ESYT3: variants seen among roughly 807,000 people sequenced by gnomAD.
The protein encoded by ESYT3 is extended synaptotagmin 3.
In ESYT3, 101 loss-of-function variants were observed where a neutral mutation model predicts 111.5. The ratio of observed to expected loss-of-function variants is 0.91; its 90% CI spans 0.77 to 1.07. The LOEUF (loss-of-function observed/expected upper bound fraction) is 1.07. Ranked by LOEUF, ESYT3 falls within the 50% of genes least tolerant of loss-of-function variation. The pLI is 0.00. For missense variants in ESYT3, 1,097 were observed against 1,109.4 expected (o/e 0.99, Z 0.16); for synonymous variants, 416 against 446.8 (o/e 0.93, Z 0.87).
At chr3:138,469,893 G>A (rs1486070384) in intron 15 of ESYT3, among the ~76,000 whole-genome samples, 167 bp from the exon 16 acceptor site, 1 of 152,128 alleles carries the variant, frequency 6.6e-6, no homozygotes, top group African/African-American at 2.4e-5. Flanking sequence ...TTTGAGTGTT[G>A]TCCCGTCCTA....
chr3:138,476,553 C>CCGG, intron 22 of ESYT3, 61 bp downstream of exon 22: 1 of 1,540,926 alleles, frequency 6.5e-7, no homozygotes. Flanking sequence ...TTTCCCTTTT[C>CCGG]AGTACTGTTT....
At chr3:138,472,897 T>G (rs756948940) in intron 18 of ESYT3, 38 bp downstream of exon 18, 1 of 1,573,242 alleles carries the variant, frequency 6.4e-7, no homozygotes, top group Admixed American at 1.9e-5. Context: ...TAAAATCGCC[T>G]GTATGAAAAA....
chr3:138,456,664 T>C lies in ESYT3; in HGVS notation c.505-904T>C, dbSNP rs553027889. Reference sequence around the variant, plus strand: ...GCACAAACCCTGTGTGAACTGCGCATGTGAGGGATCTAGGTTGCATGTTCC... The same window carrying C: ...GCACAAACCCTGTGTGAACTGCGCACGTGAGGGATCTAGGTTGCATGTTCC... On this transcript the variant is annotated intron_variant, in intron 3 of 22. Transcript: ENST00000389567. Among the ~76,000 whole-genome samples the C allele has an allele frequency of 5.5e-4, 84 of 152,264 alleles. 1 individual carries two copies. In the South Asian group the frequency reaches 0.014, roughly 25 times the overall value.
intron 1 of ESYT3, among the ~76,000 whole-genome samples, chr3:138,449,082 CTTTTTT>C (rs398040196): frequency 5.3e-5 from 6 of 113,120 alleles, no homozygotes; most frequent in African/African-American, 2.3e-4. Context: ...CTTTCTTTTT[CTTTTTT>C]TTTTTTTTTT....
chr3:138,448,292 A>AAAT (rs1336928754), intron 1 of ESYT3, among the ~76,000 whole-genome samples: 1 of 149,476 alleles, frequency 6.7e-6, no homozygotes, highest in Non-Finnish European at 1.5e-5. Context: ...AAAAAAAAAA[A>AAAT]ATGCAGGGGA....
intron 1 of ESYT3, among the ~76,000 whole-genome samples, chr3:138,442,681 T>C (rs1008054611): frequency 6.6e-6 from 1 of 152,220 alleles, no homozygotes; most frequent in East Asian, 1.9e-4. Context: ...GAAAGTTCTT[T>C]TAAGATAAGG....
chr3:138,435,113 C>G lies in ESYT3; in HGVS notation c.315C>G (p.His105Gln), dbSNP rs1360476773. The stretch of plus-strand genomic sequence containing the variant: ...TCAGCCGCGAGCTGCGGGGCCAGCA[C>G]CTGCCAGCCTGGGTGAGCCAAGCCG... ...EFISRELRGQ[H>Q]LPAWIHFPDV... Residue 105 changes from histidine to glutamine, a missense_variant, in exon 1 of 23, where the codon CAC becomes CAG. By Grantham distance (24) the His-to-Gln change is conservative (BLOSUM62 0). Coordinates refer to ENST00000389567, the MANE Select transcript of ESYT3 (RefSeq NM_031913.5). This position sits in a 1 kb window ranked among gnomAD's most constrained non-coding sequence, Gnocchi z 4.8. 1.9e-6 allele frequency: 3 copies of G among 1,583,322 alleles called. No individual in the cohort carries two copies.
intron 1 of ESYT3, among the ~76,000 whole-genome samples, chr3:138,437,244 T>C (rs1392885932): frequency 6.6e-6 from 1 of 151,940 alleles, no homozygotes; most frequent in Non-Finnish European, 1.5e-5. Flanking sequence ...CGGAACAGGG[T>C]CTAGTCAGGT....
At chr3:138,439,305 G>A (rs2030963757) in intron 1 of ESYT3, among the ~76,000 whole-genome samples, 1 of 152,178 alleles carries the variant, frequency 6.6e-6, no homozygotes, top group South Asian at 2.1e-4. Flanking sequence ...GCATCTGGAT[G>A]ACTGTCAAGG....
rs532486495 is a variant in ESYT3 at position 138,460,469 on chromosome 3, G to A, written c.739-142G>A. ...TCGCCTGCCTGACACCCTGGCAGAG[G>A]GTGCTCTGCCTGCTTTCCTCCGAAC... On this transcript the variant is annotated intron_variant, in intron 6 of 22. Coordinates refer to ENST00000389567, the MANE Select transcript of ESYT3 (RefSeq NM_031913.5). 3.3e-3 allele frequency: 2,853 copies of A among 871,526 alleles called. 17 individuals are homozygous for A. Among genetic ancestry groups the A allele is most frequent in the Non-Finnish European group, 4.6e-3 (2,463 of 531,190 alleles). The allele number at this position is 871,526 out of a possible 1,614,324, so 54.0% of individuals were successfully genotyped here.
rs371390274 is a variant in ESYT3, at chr3:138,464,446, C to G, written c.1017C>G (p.Ile339Met). Residue 339 changes from isoleucine to methionine, a missense_variant, in exon 9 of 23, where the codon ATC becomes ATG. Transcript: ENST00000389567. ...GKSDPYAKVS[I>M]GLQHFRSRTI... ...CAGATCCCTACGCCAAGGTGAGCAT[C>G]GGCCTACAGCATTTCCGGAGTAGGA... The G allele has an allele frequency of 2.5e-6, 4 of 1,614,118 alleles. No individual in the cohort carries two copies. The highest frequency in any genetic ancestry group is 3.3e-4 in the Middle Eastern group (2 of 6,062).
Position 138,467,351 on chromosome 3 carries a change from A to G in ESYT3, c.1170-210A>G, listed in dbSNP as rs562361988. Among the ~76,000 whole-genome samples, 110 of 152,124 alleles carry G rather than the reference A, an allele frequency of 7.2e-4. 1 individual carries two copies. The highest frequency in any genetic ancestry group is 8.8e-4 in the Non-Finnish European group (60 of 68,024). Reference sequence around the variant, plus strand: ...GGGATGGGAGCCCCCTTCCTCCCCAAGTAGCACACCCAGTGGGAGCAGCCC... The same window carrying G: ...GGGATGGGAGCCCCCTTCCTCCCCAGGTAGCACACCCAGTGGGAGCAGCCC... On this transcript the variant is annotated intron_variant, in intron 10 of 22. Coordinates refer to ENST00000389567, the MANE Select transcript of ESYT3 (RefSeq NM_031913.5).
intron 5 of ESYT3, 52 bp downstream of exon 5, chr3:138,459,305 C>T (rs556194356): frequency 1.4e-6 from 2 of 1,449,446 alleles, no homozygotes; most frequent in Non-Finnish European, 1.9e-6. Context: ...GGGTGGGGAT[C>T]AGGGAAGGGG....
At chr3:138,448,696 C>G (rs554630676) in intron 1 of ESYT3, among the ~76,000 whole-genome samples, 1 of 152,306 alleles carries the variant, frequency 6.6e-6, no homozygotes, top group East Asian at 1.9e-4. Context: ...ATAGATTGAT[C>G]TGTCGATGTC....
At chr3:138,458,806 CA>C (rs377439722) in intron 4 of ESYT3, among the ~76,000 whole-genome samples, 26 of 152,314 alleles carry the variant, frequency 1.7e-4, no homozygotes, top group African/African-American at 6.3e-4. Flanking sequence ...AGAGATGGGA[CA>C]GGGGGACAGC....
At chr3:138,451,624 C>A (rs147197280) in intron 1 of ESYT3, among the ~76,000 whole-genome samples, 36 of 152,298 alleles carry the variant, frequency 2.4e-4, no homozygotes, top group Admixed American at 2.2e-3. Context: ...AAGCAGTTTC[C>A]AGCCCTCCCT....
At chr3:138,445,857 A>G (rs1216352285) in intron 1 of ESYT3, among the ~76,000 whole-genome samples, 1 of 152,210 alleles carries the variant, frequency 6.6e-6, no homozygotes, top group African/African-American at 2.4e-5. Flanking sequence ...TGAGGCTTAG[A>G]GAGGTGGAAT....
chr3:138,476,449 A>T lies in ESYT3; in HGVS notation c.2581A>T (p.Ile861Phe), dbSNP rs952404063. Reference sequence around the variant, plus strand: ...ATTATTTGTGATTATTTAGGTACTGATTGACTTATCAAAAGAAGATCTGAT... The same window carrying T: ...ATTATTTGTGATTATTTAGGTACTGTTTGACTTATCAAAAGAAGATCTGAT... ...HRRKELGKVL[I>F]DLSKEDLIKG... Residue 861 changes from isoleucine (I) to phenylalanine (F), a missense_variant, in exon 22 of 23, where the codon ATT (isoleucine) becomes TTT (phenylalanine). Transcript: ENST00000389567. 33 of 1,613,964 alleles carry T rather than the reference A, an allele frequency of 2.0e-5. No homozygotes were observed. The highest frequency in any genetic ancestry group is 2.8e-5 in the Non-Finnish European group (33 of 1,179,932).
Position 138,468,111 on chromosome 3 carries a change from G to A in ESYT3, c.1225G>A (p.Val409Ile), listed in dbSNP as rs184013806. 1 of 1,614,028 alleles carries A rather than the reference G, an allele frequency of 6.2e-7. No individual in the cohort carries two copies. Among genetic ancestry groups the A allele is most frequent in the South Asian group, 1.1e-5 (1 of 91,082 alleles). Residue 409 changes from valine (V) to isoleucine (I), a missense_variant, in exon 12 of 23, where the codon GTC becomes ATC. By Grantham distance (29) the Val-to-Ile change is conservative. Coordinates refer to ENST00000389567, the MANE Select transcript of ESYT3 (RefSeq NM_031913.5). Reference protein sequence around the residue: ...MTNRVVDEWFVLNDTTSGRLH... With the variant: ...MTNRVVDEWFILNDTTSGRLH... ...TTCTGCCCCTACCCCACAGTGGTTT[G>A]TCCTGAATGACACAACCAGCGGGCG...
Sources: gnomAD v4.1 joint callset for allele counts (sites outside exome capture counted in the v4.1 genomes callset) on GRCh38, gnomAD v4.1.1 for gene constraint, Gnocchi (gnomAD v3.1) non-coding constraint, MANE v1.5 for transcripts, NCBI Gene and HGNC (gene_info 2026-07-23, HGNC 2026-07-21) for gene names.